The following GALNT14 variants were observed in gnomAD, a reference collection of about 807,000 sequenced individuals.
GALNT14 encodes UDP-GalNAc:polypeptide N-acetylgalactosaminyltransferase 14.
In GALNT14, 60 loss-of-function variants were observed where a neutral mutation model predicts 77.5. The ratio of observed to expected loss-of-function variants is 0.77; its 90% confidence interval spans 0.63 to 0.96. GALNT14 has a LOEUF of 0.96. Among genes scored for constraint, GALNT14 ranks in the 40% least tolerant of loss-of-function variants. The probability of loss-of-function intolerance (pLI) is 0.00; values close to 1 mark genes in which losing one functional copy is unlikely to be tolerated. For missense variants in GALNT14, 710 were observed against 731.0 expected, an observed-to-expected ratio of 0.97 and a Z score of 0.33; for synonymous variants, 280 against 281.7, an observed-to-expected ratio of 0.99 and a Z score of 0.06.
intron 1 of GALNT14, among the ~76,000 whole-genome samples, chr2:30,999,063 C>T (rs184977709): frequency 9.7e-4 from 148 of 152,286 alleles, no homozygotes; most frequent in Middle Eastern, 3.4e-3. Flanking sequence ...CAGCTGGATT[C>T]CTGCAAGAAG....
chr2:31,047,487 C>A (rs182537844), intron 1 of GALNT14, among the ~76,000 whole-genome samples: 1 of 152,310 alleles, frequency 6.6e-6, no homozygotes, highest in East Asian at 1.9e-4. Flanking sequence ...CTCTCTGGGC[C>A]TGAAGAGCTT....
chr2:30,932,088 T>G lies in GALNT14; in HGVS notation c.1038A>C (p.Gly346=), dbSNP rs539731537. The change falls in exon 10 of 15, where the codon GGA becomes GGC. Residue 346 remains glycine (G), a synonymous_variant. Coordinates refer to ENST00000349752, the MANE Select transcript of GALNT14 (RefSeq NM_024572.4). ...RKKHPYVFPD[G]NANTYIKNTK... ...CTTACTTTATATACGTGTTGGCATTTCCATCAGGGAAAACGTAGGGGTGCT... is the reference window on the plus strand; with the variant it reads ...CTTACTTTATATACGTGTTGGCATTGCCATCAGGGAAAACGTAGGGGTGCT... 3 of 1,572,814 alleles carry G rather than the reference T, an allele frequency of 1.9e-6. No individual in the cohort carries two copies. In the African/African-American group the frequency reaches 4.1e-5, roughly 22 times the overall value.
At position 30,914,179 on chromosome 2, in the gene GALNT14, T is replaced by C. The variant is rs139439322; in HGVS notation, c.1381-1837A>G. On this transcript the variant is annotated intron_variant, in intron 13 of 14. Transcript: ENST00000349752. Reference sequence around the variant, plus strand: ...TTTCATAAGAATCCTATTAAGTAGGTATTACTATTATCCTCATTTTATAGA... The same window carrying C: ...TTTCATAAGAATCCTATTAAGTAGGCATTACTATTATCCTCATTTTATAGA... Among the ~76,000 whole-genome samples, 328 of 152,306 alleles carry C rather than the reference T, an allele frequency of 2.2e-3. 1 individual carries two copies. The highest frequency in any genetic ancestry group is 7.4e-3 in the African/African-American group (307 of 41,564).
chr2:30,902,289 G>C, the GALNT14 span, among the ~76,000 whole-genome samples: 1 of 152,194 alleles, frequency 6.6e-6, no homozygotes, highest in African/African-American at 2.4e-5. Flanking sequence ...CCTCAGGTTA[G>C]TGGCTAGAGA....
Position 31,078,913 on chromosome 2 carries a change from A to T in GALNT14, c.129+59045T>A, listed in dbSNP as rs752987233. 4.1e-5 allele frequency: 53 copies of T among 1,289,008 alleles called. No homozygotes were observed. The African/African-American group carries it at 7.4e-4, about 18-fold the overall frequency. The allele number at this position is 1,289,008 out of a possible 1,614,324, so 79.8% of individuals were successfully genotyped here. On this transcript the variant is annotated intron_variant, in intron 1 of 14. Transcript: ENST00000349752. ...TTGGGGACCAGGAGAGCAAAGGACT[A>T]CAAATTCAGTTCTGACTCACTGGAC...
chr2:30,890,802 G>T, the GALNT14 span, among the ~76,000 whole-genome samples: 1 of 152,132 alleles, frequency 6.6e-6, no homozygotes, highest in South Asian at 2.1e-4. Flanking sequence ...GCTGGACCTG[G>T]AGGCATCAGG....
downstream of GALNT14, among the ~76,000 whole-genome samples, chr2:30,905,618 C>G (rs1185965906): frequency 6.6e-6 from 1 of 151,912 alleles, no homozygotes; most frequent in African/African-American, 2.4e-5. Context: ...GAGAATGGAA[C>G]CAAGTTGGAA....
chr2:30,904,965 C>T, the GALNT14 span, among the ~76,000 whole-genome samples: 58 of 152,044 alleles, frequency 3.8e-4, no homozygotes, highest in African/African-American at 1.1e-3. Context: ...ACACCTCACA[C>T]GGCAGGGTAT....
chr2:31,050,212 C>T (rs1673752040), intron 1 of GALNT14, among the ~76,000 whole-genome samples: 1 of 152,210 alleles, frequency 6.6e-6, no homozygotes, highest in African/African-American at 2.4e-5. Context: ...AAACCTGAAG[C>T]ATCAGCAACA....
chr2:31,087,606 G>C (rs1375573271), intron 1 of GALNT14, among the ~76,000 whole-genome samples: 1 of 143,118 alleles, frequency 7.0e-6, no homozygotes, highest in African/African-American at 2.6e-5. Flanking sequence ...GCTGGGAGAA[G>C]CCAGAGAAGA....
intron 2 of GALNT14, among the ~76,000 whole-genome samples, chr2:30,976,340 A>G (rs1316278747): frequency 6.6e-6 from 1 of 152,010 alleles, no homozygotes; most frequent in African/African-American, 2.4e-5. Context: ...GCATTTAAAG[A>G]CCTCCTAGAA....
At chr2:31,068,195 G>A (rs1349999054) in intron 1 of GALNT14, among the ~76,000 whole-genome samples, 1 of 152,118 alleles carries the variant, frequency 6.6e-6, no homozygotes, top group Non-Finnish European at 1.5e-5. Flanking sequence ...ACTTAAAAAG[G>A]TCCATAATTG....
chr2:31,053,924 T>C (rs1674054734), intron 1 of GALNT14, among the ~76,000 whole-genome samples: 1 of 152,206 alleles, frequency 6.6e-6, no homozygotes, highest in Non-Finnish European at 1.5e-5. Context: ...TTACACACCC[T>C]TGAGCCCCTG....
At chr2:30,941,322 G>A (rs889826464) in intron 9 of GALNT14, among the ~76,000 whole-genome samples, 1 of 152,168 alleles carries the variant, frequency 6.6e-6, no homozygotes, top group African/African-American at 2.4e-5. Context: ...GGAGCAAAAT[G>A]GACCCCAACC....
At chr2:31,137,672 G>A (rs924008658) in intron 1 of GALNT14, among the ~76,000 whole-genome samples, 2 of 152,132 alleles carry the variant, frequency 1.3e-5, no homozygotes. Flanking sequence ...AGCCCCCTCC[G>A]CCCCGGGACC....
intron 2 of GALNT14, among the ~76,000 whole-genome samples, chr2:30,968,202 T>G (rs1668128673): frequency 6.6e-6 from 1 of 152,206 alleles, no homozygotes; most frequent in Admixed American, 6.5e-5. Context: ...GTATACCAGT[T>G]GTCCATTGAT....
chr2:31,134,574 C>T (rs1679142230), intron 1 of GALNT14, among the ~76,000 whole-genome samples: 1 of 152,236 alleles, frequency 6.6e-6, no homozygotes, highest in African/African-American at 2.4e-5. Context: ...CAGGGACTCT[C>T]CTCATCAGGG....
At chr2:31,100,383 A>G (rs1479269597) in intron 1 of GALNT14, among the ~76,000 whole-genome samples, 1 of 152,084 alleles carries the variant, frequency 6.6e-6, no homozygotes, top group African/African-American at 2.4e-5. Flanking sequence ...TGTATATGTG[A>G]AAAGTATTAA....
chr2:30,945,138 C>T (rs1666611005), intron 7 of GALNT14, among the ~76,000 whole-genome samples, 196 bp from the exon 8 acceptor site: 1 of 152,232 alleles, frequency 6.6e-6, no homozygotes, highest in Non-Finnish European at 1.5e-5. Flanking sequence ...TCCTGTTCTT[C>T]CTCTACCCAC....
Sources: gnomAD v4.1 joint callset for allele counts (sites outside exome capture counted in the v4.1 genomes callset) on GRCh38, gnomAD v4.1.1 for gene constraint, MANE v1.5 for transcripts, NCBI Gene and HGNC (gene_info 2026-07-23, HGNC 2026-07-21) for gene names.